The following PALM2AKAP2 variants were observed in gnomAD, a reference collection of about 807,000 sequenced individuals.
The protein encoded by PALM2AKAP2 is PALM2 and AKAP2 fusion, also known as PALM2-AKAP2 fusion protein.
Under a neutral mutation model 71.5 loss-of-function variants are expected in PALM2AKAP2, and 37 were observed. The ratio of observed to expected loss-of-function variants is 0.52; its 90% CI spans 0.40 to 0.68. The LOEUF (loss-of-function observed/expected upper bound fraction) is 0.68. Among genes scored for constraint, PALM2AKAP2 ranks in the 30% least tolerant of loss-of-function variants. The pLI, the probability that PALM2AKAP2 is intolerant of heterozygous loss-of-function variation, is 0.00. For missense variants in PALM2AKAP2, 1,224 were observed against 1,191.8 expected (o/e 1.03, Z -0.40); for synonymous variants, 468 against 478.8 (o/e 0.98, Z 0.29).
exon 2 of PALM2AKAP2, chr9:110,137,853 G>T (rs932870476): frequency 1.2e-6 from 2 of 1,614,148 alleles, no homozygotes; most frequent in East Asian, 2.2e-5. Flanking sequence ...CGAGGAGAAG[G>T]CGTCTCCAAG....
At chr9:110,044,344 CT>C (rs57314430), upstream of PALM2AKAP2, among the ~76,000 whole-genome samples, 443 of 80,148 alleles carry the variant, frequency 5.5e-3, 2 homozygotes, top group African/African-American at 0.019. Context: ...TTCTTTCTTT[CT>C]TTTTTTTTTT....
At chr9:109,888,204 A>G (rs1164598829) in intron 3 of PALM2AKAP2, among the ~76,000 whole-genome samples, 1 of 152,210 alleles carries the variant, frequency 6.6e-6, no homozygotes, top group African/African-American at 2.4e-5. Flanking sequence ...AACTCACTAG[A>G]AAGCCGGACC....
chr9:109,939,082 C>G (rs533596338), intron 6 of PALM2AKAP2, among the ~76,000 whole-genome samples: 1 of 152,132 alleles, frequency 6.6e-6, no homozygotes, highest in East Asian at 1.9e-4. Context: ...TATATCTCCA[C>G]TAAGTAATAA....
chr9:109,997,649 C>G (rs982793428), intron 6 of PALM2AKAP2, among the ~76,000 whole-genome samples: 1 of 152,204 alleles, frequency 6.6e-6, no homozygotes, highest in Non-Finnish European at 1.5e-5. Flanking sequence ...AAAGATGGAC[C>G]TTCCTGTTTC....
intron 3 of PALM2AKAP2, among the ~76,000 whole-genome samples, chr9:110,161,518 G>A (rs894555750): frequency 2.0e-5 from 3 of 152,154 alleles, no homozygotes; most frequent in African/African-American, 7.2e-5. Flanking sequence ...ATCAAAGGAT[G>A]ATCCCACTCT....
At chr9:109,951,486 G>A (rs1831640720) in intron 6 of PALM2AKAP2, among the ~76,000 whole-genome samples, 1 of 152,234 alleles carries the variant, frequency 6.6e-6, no homozygotes, top group South Asian at 2.1e-4. Context: ...ACCTCTGTGT[G>A]TCTGTGCCCT....
intron 1 of PALM2AKAP2, among the ~76,000 whole-genome samples, chr9:109,852,578 T>C (rs1304166937): frequency 6.6e-6 from 1 of 152,206 alleles, no homozygotes; most frequent in Non-Finnish European, 1.5e-5. Context: ...CCAGTGGCAA[T>C]TCTGTTTTCA....
chr9:109,835,176 T>G (rs1412868390), intron 1 of PALM2AKAP2, among the ~76,000 whole-genome samples: 5 of 139,386 alleles, frequency 3.6e-5, no homozygotes, highest in East Asian at 2.1e-4. Flanking sequence ...GGAGAGGGTG[T>G]AGGGAAAGAG....
chr9:109,838,606 A>T (rs1031805179), intron 1 of PALM2AKAP2, among the ~76,000 whole-genome samples: 5 of 152,226 alleles, frequency 3.3e-5, no homozygotes, highest in African/African-American at 1.2e-4. Context: ...TTTTGAAAAG[A>T]TCAACAAAAT....
intron 1 of PALM2AKAP2, among the ~76,000 whole-genome samples, chr9:110,049,666 G>A (rs1318056084): frequency 6.6e-6 from 1 of 152,198 alleles, no homozygotes; most frequent in Admixed American, 6.5e-5. Context: ...TGGGCAAGCC[G>A]TACCTGTAAT....
intron 1 of PALM2AKAP2, among the ~76,000 whole-genome samples, chr9:109,806,760 G>A (rs1827586330): frequency 6.6e-6 from 1 of 152,212 alleles, no homozygotes; most frequent in South Asian, 2.1e-4. Flanking sequence ...CAGGTGGGGA[G>A]TGGGTGAAGG....
chr9:109,714,590 A>G (rs1828288573), intron 1 of PALM2AKAP2, among the ~76,000 whole-genome samples: 1 of 152,228 alleles, frequency 6.6e-6, no homozygotes, highest in East Asian at 1.9e-4. Context: ...TGTGCCCACC[A>G]AGTCAAGACA....
chr9:109,728,382 G>A (rs903547339), intron 1 of PALM2AKAP2, among the ~76,000 whole-genome samples: 19 of 152,216 alleles, frequency 1.2e-4, no homozygotes, highest in Admixed American at 1.2e-3. Context: ...AGGATTTGAA[G>A]CTTGGAGCTG....
chr9:109,741,296 CGTTCATT>C (rs1316298922), intron 1 of PALM2AKAP2, among the ~76,000 whole-genome samples: 4 of 152,154 alleles, frequency 2.6e-5, no homozygotes, highest in Admixed American at 1.3e-4. Flanking sequence ...AAATATCCAT[CGTTCATT>C]GCTGGGTAGT....
chr9:110,075,182 CTT>C (rs888830444), intron 1 of PALM2AKAP2, among the ~76,000 whole-genome samples: 40 of 152,270 alleles, frequency 2.6e-4, no homozygotes, highest in African/African-American at 9.4e-4. Flanking sequence ...CACCCCTACT[CTT>C]TTACCTGTAG....
At chr9:110,091,617 C>T (rs890320531) in intron 1 of PALM2AKAP2, among the ~76,000 whole-genome samples, 5 of 151,468 alleles carry the variant, frequency 3.3e-5, no homozygotes, top group Non-Finnish European at 7.4e-5. Flanking sequence ...CGCCTGCCTC[C>T]ACACCCGGCT....
chr9:109,809,480 A>G (rs994513935), intron 1 of PALM2AKAP2, among the ~76,000 whole-genome samples: 1 of 152,156 alleles, frequency 6.6e-6, no homozygotes, highest in African/African-American at 2.4e-5. Context: ...TGGAATGGGT[A>G]TATTTACCTA....
At chr9:109,648,031 A>C (rs1176539175) in intron 1 of PALM2AKAP2, among the ~76,000 whole-genome samples, 1 of 152,192 alleles carries the variant, frequency 6.6e-6, no homozygotes, top group Non-Finnish European at 1.5e-5. Flanking sequence ...AGGTGACTGG[A>C]TTATGGGGAT....
intron 1 of PALM2AKAP2, among the ~76,000 whole-genome samples, chr9:110,132,077 G>T (rs895437942): frequency 2.7e-5 from 4 of 149,042 alleles, no homozygotes; most frequent in Admixed American, 6.7e-5. Context: ...GTGTGATGGA[G>T]TTTCACTCTT....
Sources: allele counts gnomAD v4.1 joint callset (sites outside exome capture counted in the v4.1 genomes callset), GRCh38; gene constraint gnomAD v4.1.1; transcripts MANE v1.5; gene names NCBI Gene and HGNC (gene_info 2026-07-23, HGNC 2026-07-21).